Variants in GPC5 observed in about 807,000 individuals in gnomAD.
The protein encoded by GPC5 is glypican 5.
GPC5 carries 47 observed loss-of-function variants against 53.9 expected under a neutral mutation model. The observed-to-expected ratio is 0.87, with a 90% confidence interval of 0.69 to 1.11. The LOEUF (loss-of-function observed/expected upper bound fraction) is 1.11. Among genes scored for constraint, GPC5 ranks in the 50% most tolerant of loss-of-function variants. The pLI is 0.00. For synonymous variants in GPC5, 286 were observed against 263.3 expected (o/e 1.09, Z -0.84); for missense variants, 748 against 713.1 (o/e 1.05, Z -0.56).
chr13:92,369,056 A>G (rs888559087), intron 7 of GPC5, among the ~76,000 whole-genome samples: 1 of 152,260 alleles, frequency 6.6e-6, no homozygotes, highest in African/African-American at 2.4e-5. Flanking sequence ...AAATTCGTTC[A>G]CAATAACAAA....
chr13:92,485,671 T>A (rs1393894481), intron 7 of GPC5, among the ~76,000 whole-genome samples: 1 of 152,104 alleles, frequency 6.6e-6, no homozygotes, highest in Non-Finnish European at 1.5e-5. Flanking sequence ...AGCAGGTGGG[T>A]AAGATTTGAG....
intron 3 of GPC5, among the ~76,000 whole-genome samples, chr13:91,719,831 A>AT (rs56126939): frequency 2.0e-4 from 30 of 148,602 alleles, no homozygotes; most frequent in African/African-American, 3.4e-4. Flanking sequence ...CTTCTCCCTC[A>AT]TTTTTTTTTT....
intron 7 of GPC5, among the ~76,000 whole-genome samples, chr13:92,854,041 T>C (rs889338155): frequency 1.3e-5 from 2 of 151,998 alleles, no homozygotes; most frequent in African/African-American, 4.8e-5. Flanking sequence ...TTTTATTGTG[T>C]TGTCGTCAAG....
chr13:91,905,278 T>G (rs903212476), intron 5 of GPC5, among the ~76,000 whole-genome samples: 11 of 151,894 alleles, frequency 7.2e-5, no homozygotes, highest in African/African-American at 2.7e-4. Context: ...TAAGAGATGG[T>G]TACTCTCTTT....
At chr13:92,317,826 C>T (rs1408601612) in intron 7 of GPC5, among the ~76,000 whole-genome samples, 1 of 152,012 alleles carries the variant, frequency 6.6e-6, no homozygotes, top group Non-Finnish European at 1.5e-5. Flanking sequence ...AAAGAGATTC[C>T]AGTTAACATT....
At chr13:91,625,512 GTGTT>G (rs571759912) in intron 2 of GPC5, among the ~76,000 whole-genome samples, 1 of 152,028 alleles carries the variant, frequency 6.6e-6, no homozygotes, top group Non-Finnish European at 1.5e-5. Flanking sequence ...TGCGGAAAAA[GTGTT>G]TGAGTAGAGA....
intron 2 of GPC5, among the ~76,000 whole-genome samples, chr13:91,658,112 GT>G (rs1402619892): frequency 5.3e-5 from 8 of 151,936 alleles, no homozygotes; most frequent in African/African-American, 1.9e-4. Flanking sequence ...ACATATTTAA[GT>G]TTATGAGAGG....
At chr13:92,776,531 A>C (rs1389086918) in intron 7 of GPC5, among the ~76,000 whole-genome samples, 1 of 152,238 alleles carries the variant, frequency 6.6e-6, no homozygotes, top group African/African-American at 2.4e-5. Context: ...ATAAGGGTGT[A>C]AATCTCTTTG....
At chr13:92,821,851 A>G (rs1877684758) in intron 7 of GPC5, among the ~76,000 whole-genome samples, 2 of 152,184 alleles carry the variant, frequency 1.3e-5, no homozygotes, top group African/African-American at 4.8e-5. Flanking sequence ...ACAAAAGTTT[A>G]GAAATGAGCT....
chr13:92,445,893 T>C (rs1248859563), intron 7 of GPC5, among the ~76,000 whole-genome samples: 2 of 152,044 alleles, frequency 1.3e-5, no homozygotes, highest in Non-Finnish European at 2.9e-5. Context: ...TCCTCCTGAG[T>C]AGCTGGGATT....
At chr13:91,617,595 T>C (rs571850823) in intron 2 of GPC5, among the ~76,000 whole-genome samples, 40 of 152,250 alleles carry the variant, frequency 2.6e-4, no homozygotes, top group African/African-American at 8.9e-4. Context: ...CTCTTTGATC[T>C]AATTTTCATG....
At chr13:92,527,096 G>GAAA (rs1323446103) in intron 7 of GPC5, among the ~76,000 whole-genome samples, 1 of 59,388 alleles carries the variant, frequency 1.7e-5, no homozygotes, top group East Asian at 7.0e-4. Flanking sequence ...GATTCTGTAG[G>GAAA]AAAAGAAAGA....
chr13:91,766,945 G>T (rs905465866), intron 5 of GPC5, among the ~76,000 whole-genome samples: 1 of 152,096 alleles, frequency 6.6e-6, no homozygotes, highest in Non-Finnish European at 1.5e-5. Context: ...TAGAATCCTA[G>T]ATATAACATA....
chr13:92,182,542 A>G (rs1238872675), intron 7 of GPC5, among the ~76,000 whole-genome samples: 1 of 152,160 alleles, frequency 6.6e-6, no homozygotes, highest in Non-Finnish European at 1.5e-5. Context: ...CCAAAGTTCT[A>G]TTTAGTAATT....
intron 6 of GPC5, among the ~76,000 whole-genome samples, chr13:92,137,927 G>A (rs2041797795): frequency 6.6e-6 from 1 of 152,158 alleles, no homozygotes; most frequent in Admixed American, 6.5e-5. Flanking sequence ...CTGGGTGATG[G>A]TGACGTGTCA....
Position 91,428,870 on chromosome 13 carries a change from TTATAG to T in GPC5, c.164-19886_164-19882del, listed in dbSNP as rs372446679. On this transcript the variant is annotated intron_variant, in intron 1 of 7. Transcript: ENST00000377067. ...GTTTTAGGAAAAAATCTTGTTTTAC[TTATAG>T]TATATTTAAAAATCTATCTAGTTTA... Among the ~76,000 whole-genome samples the T allele has an allele frequency of 3.1e-3, 470 of 152,316 alleles. 5 individuals carry two copies. Among genetic ancestry groups the T allele is most frequent in the African/African-American group, 0.011 (457 of 41,576 alleles).
At chr13:91,592,325 T>C (rs927422030) in intron 2 of GPC5, among the ~76,000 whole-genome samples, 6 of 152,202 alleles carry the variant, frequency 3.9e-5, no homozygotes, top group Admixed American at 2.0e-4. Context: ...TGTACAGTCA[T>C]GCTCTGTTGT....
chr13:91,763,313 C>T (rs1035825814), intron 5 of GPC5, among the ~76,000 whole-genome samples: 39 of 152,156 alleles, frequency 2.6e-4, no homozygotes, highest in African/African-American at 6.3e-4. Flanking sequence ...TCTCATGGTA[C>T]GCACTTTCAT....
At chr13:91,684,363 A>T (rs912176305) in intron 2 of GPC5, among the ~76,000 whole-genome samples, 40 of 152,166 alleles carry the variant, frequency 2.6e-4, no homozygotes, top group African/African-American at 9.4e-4. Context: ...TCTAACTGGT[A>T]ACATGTTCAA....
Sources: gnomAD v4.1 joint callset for allele counts (sites outside exome capture counted in the v4.1 genomes callset) on GRCh38, gnomAD v4.1.1 for gene constraint, MANE v1.5 for transcripts, NCBI Gene and HGNC (gene_info 2026-07-23, HGNC 2026-07-21) for gene names.